The following MBD5 variants were observed in gnomAD, a reference collection of about 807,000 sequenced individuals.
The protein encoded by MBD5 is methyl-CpG binding domain protein 5.
A neutral mutation model predicts 117.3 loss-of-function variants in MBD5; 13 were observed. That is an observed-to-expected ratio of 0.11 (90% CI 0.07 to 0.18). The LOEUF (loss-of-function observed/expected upper bound fraction) is 0.18. Ranked by LOEUF, MBD5 falls within the 10% of genes least tolerant of loss-of-function variation. The pLI is 1.00. For missense variants in MBD5, 1,879 were observed against 2,093.8 expected (o/e 0.90, Z 2.00); for synonymous variants, 727 against 766.4 (o/e 0.95, Z 0.85).
chr2:148,055,047 A>G (rs2105785415), intron 1 of MBD5: 1 of 152,322 alleles, frequency 6.6e-6, no homozygotes, highest in South Asian at 2.1e-4. Context: ...TTATATGTAT[A>G]TAATGCATTC....
intron 3 of MBD5, among the ~76,000 whole-genome samples, chr2:148,289,377 G>T (rs966507111): frequency 3.3e-5 from 5 of 152,104 alleles, no homozygotes; most frequent in African/African-American, 1.2e-4. Context: ...TAAGACAATA[G>T]TGCTCATGAG....
In MBD5 at chr2:148,377,082, G is replaced by C. The variant is rs926400468; in HGVS notation, c.-557+34746G>C. ...TAGTTCTCTCCCTATATATATAAAG[G>C]GGAGTTTATTAAGTAGTATTAACTC... On this transcript the variant is annotated intron_variant, in intron 4 of 13. Coordinates refer to ENST00000642680, the MANE Select transcript of MBD5 (RefSeq NM_001378120.1). Among the ~76,000 whole-genome samples the C allele has an allele frequency of 2.0e-5, 3 of 150,744 alleles. No individual in the cohort carries two copies. In the East Asian group the frequency reaches 5.9e-4, roughly 29 times the overall value.
At chr2:148,393,636 C>G (rs1474960522) in intron 4 of MBD5, among the ~76,000 whole-genome samples, 1 of 152,158 alleles carries the variant, frequency 6.6e-6, no homozygotes, top group Non-Finnish European at 1.5e-5. Flanking sequence ...CTCAAGTTAA[C>G]CAGATATACC....
At chr2:148,115,887 G>C (rs1465083829) in intron 1 of MBD5, among the ~76,000 whole-genome samples, 2 of 151,988 alleles carry the variant, frequency 1.3e-5, no homozygotes, top group Admixed American at 1.3e-4. Context: ...CTGTCACCTA[G>C]GCTGGAGTGC....
intron 3 of MBD5, among the ~76,000 whole-genome samples, chr2:148,277,314 G>A (rs543523955): frequency 2.0e-5 from 3 of 152,220 alleles, no homozygotes; most frequent in East Asian, 1.9e-4. Flanking sequence ...TGGTCTTAGT[G>A]TAACACTAGG....
chr2:148,427,363 TG>T (rs1164771727), intron 4 of MBD5, among the ~76,000 whole-genome samples: 1 of 152,202 alleles, frequency 6.6e-6, no homozygotes, highest in Admixed American at 6.5e-5. Context: ...GTATGTTTAC[TG>T]CGGCACTATT....
intron 1 of MBD5, among the ~76,000 whole-genome samples, chr2:148,067,090 T>TCCATC (rs1695219174): frequency 6.6e-6 from 1 of 151,722 alleles, no homozygotes; most frequent in African/African-American, 2.4e-5. Flanking sequence ...CCATTCTGGT[T>TCCATC]AATGCTAAGA....
chr2:148,489,256 C>T, intron 10 of MBD5, 130 bp from the exon 11 acceptor site: 1 of 1,141,302 alleles, frequency 8.8e-7, no homozygotes, highest in Admixed American at 2.2e-5. Flanking sequence ...TTTTTTGAGT[C>T]TTGTTCTTTA....
chr2:148,094,879 T>G (rs906691068), intron 1 of MBD5, among the ~76,000 whole-genome samples: 38 of 152,152 alleles, frequency 2.5e-4, no homozygotes, highest in Admixed American at 2.1e-3. Flanking sequence ...ATAAGTGACT[T>G]GACTAAGATT....
intron 4 of MBD5, among the ~76,000 whole-genome samples, chr2:148,390,477 A>C (rs1704534376): frequency 6.6e-6 from 1 of 150,530 alleles, no homozygotes; most frequent in Non-Finnish European, 1.5e-5. Context: ...GTGTATATAT[A>C]TAAGTATATA....
At chr2:148,339,804 G>T (rs921812880) in intron 3 of MBD5, among the ~76,000 whole-genome samples, 1 of 151,894 alleles carries the variant, frequency 6.6e-6, no homozygotes, top group Admixed American at 6.6e-5. Flanking sequence ...TATTTTAAAG[G>T]TACTAGTGTT....
chr2:148,103,127 A>G (rs1574016593), intron 1 of MBD5, among the ~76,000 whole-genome samples: 1 of 152,308 alleles, frequency 6.6e-6, no homozygotes, highest in East Asian at 1.9e-4. Context: ...CATGTAAGCT[A>G]CATGAGGAAA....
chr2:148,414,608 G>C (rs1705365773), intron 4 of MBD5, among the ~76,000 whole-genome samples: 1 of 152,080 alleles, frequency 6.6e-6, no homozygotes, highest in African/African-American at 2.4e-5. Flanking sequence ...TCTCTCTGTA[G>C]GTCTCCAAGA....
chr2:148,444,433 T>A (rs1395971361), intron 4 of MBD5, among the ~76,000 whole-genome samples: 23 of 151,356 alleles, frequency 1.5e-4, no homozygotes, highest in Admixed American at 1.5e-3. Flanking sequence ...GGTATCCACA[T>A]CTTCTTTGGA....
intron 3 of MBD5, among the ~76,000 whole-genome samples, chr2:148,329,386 A>C (rs1456120032): frequency 6.6e-6 from 1 of 152,188 alleles, no homozygotes; most frequent in Non-Finnish European, 1.5e-5. Context: ...ATTTACTTTC[A>C]ATTTTTATTC....
At chr2:148,104,337 C>T (rs769766772) in intron 1 of MBD5, among the ~76,000 whole-genome samples, 15 of 152,048 alleles carry the variant, frequency 9.9e-5, no homozygotes, top group Admixed American at 4.6e-4. Context: ...AATAGATTTA[C>T]AGGTATTTTG....
chr2:148,470,258 A>T lies in MBD5; in HGVS notation c.2315A>T (p.Asn772Ile). Residue 772 changes from asparagine (N) to isoleucine (I), a missense_variant, in exon 8 of 14, where the codon AAC becomes ATC. Coordinates refer to ENST00000642680, the MANE Select transcript of MBD5 (RefSeq NM_001378120.1). Reference protein sequence around the residue: ...HNANTNFVHSNSPVPNHHLAG... With the variant: ...HNANTNFVHSISPVPNHHLAG... ...GCAAACACTAACTTTGTTCACAGTA[A>T]CAGTCCAGTCCCCAACCACCATCTT... 6.2e-7 allele frequency: 1 copy of T among 1,614,002 alleles called. No individual in the cohort carries two copies. Among genetic ancestry groups the T allele is most frequent in the Non-Finnish European group, 8.5e-7 (1 of 1,179,908 alleles).
intron 1 of MBD5, among the ~76,000 whole-genome samples, chr2:148,095,483 A>G (rs1247133160): frequency 6.6e-6 from 1 of 152,136 alleles, no homozygotes; most frequent in Non-Finnish European, 1.5e-5. Context: ...TAAAAAGTGT[A>G]TATGATTTAC....
At chr2:148,180,343 C>CATACATATATATATATATAT (rs1553481823) in intron 2 of MBD5, among the ~76,000 whole-genome samples, 3 of 105,542 alleles carry the variant, frequency 2.8e-5, no homozygotes, top group African/African-American at 1.1e-4. Flanking sequence ...AAAAATTATA[C>CATACATATATATATATATAT]ATATATATAT....
Sources: allele counts gnomAD v4.1 joint callset (sites outside exome capture counted in the v4.1 genomes callset), GRCh38; gene constraint gnomAD v4.1.1; transcripts MANE v1.5; gene names NCBI Gene and HGNC (gene_info 2026-07-23, HGNC 2026-07-21).